Variants in SMARCB1 observed in about 807,000 individuals in gnomAD.
SMARCB1 encodes SWI/SNF-related matrix-associated actin-dependent regulator of chromatin subfamily B member 1.
A neutral mutation model predicts 49.0 loss-of-function variants in SMARCB1; 5 were observed. The ratio of observed to expected loss-of-function variants is 0.10; its 90% confidence interval spans 0.05 to 0.21. The LOEUF (loss-of-function observed/expected upper bound fraction) is 0.21. Among genes scored for constraint, SMARCB1 ranks in the 10% least tolerant of loss-of-function variants. The probability of loss-of-function intolerance (pLI) is 1.00; values close to 1 mark genes in which losing one functional copy is unlikely to be tolerated. For synonymous variants in SMARCB1, 201 were observed against 200.1 expected, an observed-to-expected ratio of 1.00 and a Z score of -0.04; for missense variants, 226 against 509.2, an observed-to-expected ratio of 0.44 and a Z score of 5.35.
At chr22:23,804,896 G>A (rs1929398440) in intron 5 of SMARCB1, among the ~76,000 whole-genome samples, 1 of 152,142 alleles carries the variant, frequency 6.6e-6, no homozygotes, top group South Asian at 2.1e-4. Flanking sequence ...GGGTCAAGGC[G>A]CCTTTGTTTG....
intron 8 of SMARCB1, 45 bp from the exon 9 acceptor site, chr22:23,834,096 C>T (rs1265034314): frequency 1.3e-5 from 21 of 1,555,922 alleles, no homozygotes; most frequent in Non-Finnish European, 1.7e-5. Context: ...AGCGCCCAGG[C>T]TGGGAGCTGG....
At chr22:23,831,258 G>C (rs1343260941) in intron 7 of SMARCB1, among the ~76,000 whole-genome samples, 1 of 152,192 alleles carries the variant, frequency 6.6e-6, no homozygotes, top group Non-Finnish European at 1.5e-5. Context: ...GATAATACTT[G>C]TGTGTTGCAT....
chr22:23,820,086 T>A (rs530128471), intron 6 of SMARCB1, among the ~76,000 whole-genome samples: 2 of 152,192 alleles, frequency 1.3e-5, no homozygotes, highest in African/African-American at 4.8e-5. Flanking sequence ...TGCCTTGGCC[T>A]CCCAAAGGAT....
At chr22:23,787,591 T>C (rs780432531) in intron 1 of SMARCB1, among the ~76,000 whole-genome samples, 12 of 152,190 alleles carry the variant, frequency 7.9e-5, no homozygotes, top group Non-Finnish European at 1.8e-4. Flanking sequence ...CCTGCGACGC[T>C]TGGGGGACTG....
intron 4 of SMARCB1, 32 bp downstream of exon 4, chr22:23,801,113 G>A (rs775925436): frequency 2.5e-6 from 4 of 1,614,126 alleles, no homozygotes; most frequent in Non-Finnish European, 3.4e-6. Context: ...CACCCTCCGT[G>A]CTGATTCCGC....
chr22:23,803,064 G>C, intron 4 of SMARCB1: 1 of 615,390 alleles, frequency 1.6e-6, no homozygotes, highest in South Asian at 1.8e-5. Flanking sequence ...TGCCCAGGTC[G>C]ATTCTATTGC....
intron 4 of SMARCB1, chr22:23,802,832 C>G (rs746444888): frequency 4.9e-5 from 15 of 306,406 alleles, no homozygotes; most frequent in Non-Finnish European, 8.3e-5. Flanking sequence ...CTTCGACACC[C>G]GCTAGCTTTG....
At chr22:23,827,057 G>A (rs2030420619) in intron 7 of SMARCB1, among the ~76,000 whole-genome samples, 2 of 152,236 alleles carry the variant, frequency 1.3e-5, no homozygotes, top group South Asian at 4.1e-4. Context: ...AGCCAGTCAA[G>A]GGTGGCCTCC....
chr22:23,813,355 G>T (rs1282629100), intron 5 of SMARCB1, among the ~76,000 whole-genome samples: 1 of 152,212 alleles, frequency 6.6e-6, no homozygotes, highest in African/African-American at 2.4e-5. Flanking sequence ...ATTTGCAGAT[G>T]ACATGATTGT....
intron 5 of SMARCB1, among the ~76,000 whole-genome samples, chr22:23,805,526 A>G (rs1929440109): frequency 1.3e-5 from 2 of 151,596 alleles, no homozygotes; most frequent in African/African-American, 4.9e-5. Context: ...TTTTTTTGAG[A>G]TGGAGTTTCA....
chr22:23,812,502 C>T (rs945571906), intron 5 of SMARCB1, among the ~76,000 whole-genome samples: 1 of 152,008 alleles, frequency 6.6e-6, no homozygotes, highest in Admixed American at 6.6e-5. Flanking sequence ...ACCTAGATAC[C>T]AAACCTAAAG....
At chr22:23,817,115 T>A (rs1930241810) in intron 6 of SMARCB1, 179 bp downstream of exon 6, 6 of 637,146 alleles carry the variant, frequency 9.4e-6, no homozygotes, top group Non-Finnish European at 1.4e-5. Context: ...ATAGGCTGAG[T>A]TCTCATAGTA....
Position 23,837,756 on chromosome 22 carries a change from G to A in SMARCB1, c.*3576G>A, listed in dbSNP as rs748456342. Reference sequence around the variant, plus strand: ...CCTGGAAAGTGAGCAGGCCGAAGAAGTTGACCCTCACCCGAGGGCTGCGGC... The same window carrying A: ...CCTGGAAAGTGAGCAGGCCGAAGAAATTGACCCTCACCCGAGGGCTGCGGC... On this transcript the variant is annotated 3_prime_UTR_variant, in exon 9 of 9. Transcript: ENST00000644036. 6.2e-7 allele frequency: 1 copy of A among 1,614,076 alleles called. No homozygotes were observed. The highest frequency in any genetic ancestry group is 1.1e-5 in the South Asian group (1 of 91,086).
chr22:23,829,783 A>T (rs1379456894), intron 7 of SMARCB1, among the ~76,000 whole-genome samples: 2 of 152,114 alleles, frequency 1.3e-5, no homozygotes, highest in East Asian at 3.8e-4. Context: ...CAATTTTAGG[A>T]CTTTTTCATC....
chr22:23,801,982 G>T, intron 4 of SMARCB1: 1 of 158,044 alleles, frequency 6.3e-6, no homozygotes, highest in Non-Finnish European at 1.4e-5. Context: ...TCTTTCCCAA[G>T]GCCTGCCTTT....
At chr22:23,802,698 C>G (rs1448691633) in intron 4 of SMARCB1, 1 of 191,414 alleles carries the variant, frequency 5.2e-6, no homozygotes, top group Non-Finnish European at 1.1e-5. Context: ...AGCTCCATTT[C>G]ACCAACCTGC....
Position 23,823,484 on chromosome 22 carries a change from T to C in SMARCB1, c.796-1741T>C, listed in dbSNP as rs544577809. ...CCGACTGCAGTCCCCATTGCCTGGC[T>C]GCATGCCGTGTACAGGACACTGCAG... On this transcript the variant is annotated intron_variant, in intron 6 of 8. Coordinates refer to ENST00000644036, the MANE Select transcript of SMARCB1 (RefSeq NM_003073.5). The C allele has an allele frequency of 2.6e-5, 4 of 152,446 alleles. No homozygotes were observed. The East Asian group carries it at 7.7e-4, about 29-fold the overall frequency. The allele number at this position is 152,446 out of a possible 1,614,324, so 9.4% of individuals were successfully genotyped here. A position where few individuals can be genotyped will look rare whatever the true frequency, so the allele number is the denominator to read the frequency against.
At chr22:23,792,697 A>G (rs1181772536) in intron 2 of SMARCB1, 4 of 154,814 alleles carry the variant, frequency 2.6e-5, no homozygotes, top group Non-Finnish European at 5.7e-5. Context: ...ACTGCGGGAA[A>G]GTAGTGGTTC....
chr22:23,803,216 G>C, intron 4 of SMARCB1, 79 bp from the exon 5 acceptor site: 1 of 1,589,918 alleles, frequency 6.3e-7, no homozygotes, highest in Non-Finnish European at 8.6e-7. Flanking sequence ...GAAGCCTGCT[G>C]TGCAGAGAGA....
Sources: gnomAD v4.1 joint callset for allele counts (sites outside exome capture counted in the v4.1 genomes callset) on GRCh38, gnomAD v4.1.1 for gene constraint, MANE v1.5 for transcripts, NCBI Gene and HGNC (gene_info 2026-07-23, HGNC 2026-07-21) for gene names.